ALPK1: variants seen among roughly 807,000 people sequenced by gnomAD.
ALPK1 encodes the protein alpha-protein kinase 1.
In ALPK1, 110 loss-of-function variants were observed where a neutral mutation model predicts 120.6. The ratio of observed to expected loss-of-function variants is 0.91; its 90% CI spans 0.78 to 1.07. The LOEUF (loss-of-function observed/expected upper bound fraction) is 1.07, where lower values mean the gene tolerates loss of function less well. Among genes scored for constraint, ALPK1 ranks in the 50% least tolerant of loss-of-function variants. The pLI, the probability that ALPK1 is intolerant of heterozygous loss-of-function variation, is 0.00. For synonymous variants in ALPK1, 582 were observed against 560.3 expected (o/e 1.04, Z -0.55); for missense variants, 1,498 against 1,483.9 (o/e 1.01, Z -0.16).
intron 11 of ALPK1, 47 bp downstream of exon 11, chr4:112,432,628 T>G: frequency 6.4e-7 from 1 of 1,554,070 alleles, no homozygotes; most frequent in Non-Finnish European, 8.7e-7. Flanking sequence ...AGCAGCTGTG[T>G]TGGGGCACTC....
chr4:112,307,047 G>A (rs1728102497), intron 1 of ALPK1, among the ~76,000 whole-genome samples: 1 of 152,116 alleles, frequency 6.6e-6, no homozygotes, highest in South Asian at 2.1e-4. Flanking sequence ...CAGTTTCCAT[G>A]TAGTTGAGCG....
chr4:112,300,004 A>C (rs892163301), intron 1 of ALPK1, among the ~76,000 whole-genome samples: 1 of 152,160 alleles, frequency 6.6e-6, no homozygotes, highest in Admixed American at 6.5e-5. Context: ...ATATGCAATA[A>C]TTTCATTTCT....
chr4:112,433,621 A>C (rs1300022823), intron 11 of ALPK1, among the ~76,000 whole-genome samples: 1 of 152,246 alleles, frequency 6.6e-6, no homozygotes, highest in Non-Finnish European at 1.5e-5. Context: ...ACACAGCTTA[A>C]AAGTGGTAGA....
At chr4:112,343,939 T>A (rs568635439) in intron 2 of ALPK1, among the ~76,000 whole-genome samples, 1 of 152,168 alleles carries the variant, frequency 6.6e-6, no homozygotes, top group East Asian at 1.9e-4. Flanking sequence ...ACCTCAGAGG[T>A]CGCAGGCGAG....
chr4:112,334,979 C>T (rs761334585), intron 2 of ALPK1, among the ~76,000 whole-genome samples: 23 of 152,322 alleles, frequency 1.5e-4, no homozygotes, highest in Middle Eastern at 6.8e-3. Context: ...CTTTTTTAAA[C>T]AGGGCACAGT....
chr4:112,427,186 T>C (rs891860039), intron 8 of ALPK1, among the ~76,000 whole-genome samples: 1 of 152,176 alleles, frequency 6.6e-6, no homozygotes, highest in Non-Finnish European at 1.5e-5. Flanking sequence ...AACTGAGAAG[T>C]AGCTGTGTTT....
rs115849424 is a variant in ALPK1, at chr4:112,327,664, C to T, written c.-101+11812C>T. 8.5e-3 allele frequency among the ~76,000 whole-genome samples: 1,299 copies of T among 152,184 alleles called. 13 individuals are homozygous for T. Among genetic ancestry groups the T allele is most frequent in the African/African-American group, 0.027 (1,103 of 41,526 alleles). On this transcript the variant is annotated intron_variant, in intron 2 of 15. Transcript: ENST00000650871. ...CAAACAATGTTGTCTAGGCTGGTCT[C>T]GAATTCCTGGCATCAGGTGATCCTC... is the stretch of plus-strand genomic sequence containing the variant.
At chr4:112,413,422 GT>G (rs1379055616) in intron 5 of ALPK1, among the ~76,000 whole-genome samples, 1 of 152,002 alleles carries the variant, frequency 6.6e-6, no homozygotes, top group Non-Finnish European at 1.5e-5. Flanking sequence ...TTCCATTTTT[GT>G]TTTTGTTTTG....
chr4:112,417,105 C>CGA (rs1733778468), intron 5 of ALPK1, among the ~76,000 whole-genome samples: 1 of 151,990 alleles, frequency 6.6e-6, no homozygotes, highest in Non-Finnish European at 1.5e-5. Context: ...GATTTTATAC[C>CGA]TAGCAAAATT....
At chr4:112,411,665 CTTTTCTA>C (rs1340063737) in intron 4 of ALPK1, 155 bp from the exon 5 acceptor site, 2 of 649,590 alleles carry the variant, frequency 3.1e-6, no homozygotes, top group African/African-American at 3.7e-5. Flanking sequence ...TTGAACTGGA[CTTTTCTA>C]TTTTCTTTCT....
At chr4:112,376,439 C>T (rs1027722797) in intron 2 of ALPK1, among the ~76,000 whole-genome samples, 2 of 151,958 alleles carry the variant, frequency 1.3e-5, no homozygotes, top group East Asian at 3.9e-4. Context: ...TATGGAGATA[C>T]GAAGTATACC....
intron 2 of ALPK1, among the ~76,000 whole-genome samples, chr4:112,376,916 A>C (rs1246271872): frequency 6.6e-6 from 1 of 152,216 alleles, no homozygotes; most frequent in Admixed American, 6.5e-5. Context: ...TTAATTGAAT[A>C]ATGTTTTTCT....
intron 2 of ALPK1, among the ~76,000 whole-genome samples, chr4:112,360,215 T>A (rs527248074): frequency 1.3e-5 from 2 of 152,184 alleles, no homozygotes. Flanking sequence ...TAACATAACA[T>A]CCTCCAGGAT....
At chr4:112,404,486 C>T (rs1363594805) in intron 4 of ALPK1, among the ~76,000 whole-genome samples, 2 of 152,230 alleles carry the variant, frequency 1.3e-5, no homozygotes. Flanking sequence ...AAGTAACTTG[C>T]CGTGGCAAAT....
chr4:112,303,835 G>A (rs1481820058), intron 1 of ALPK1, among the ~76,000 whole-genome samples: 1 of 151,738 alleles, frequency 6.6e-6, no homozygotes, highest in Non-Finnish European at 1.5e-5. Flanking sequence ...GTGCTGTGTT[G>A]GTGTGCTGCA....
chr4:112,438,407 T>C (rs75453787), intron 12 of ALPK1, 77 bp from the exon 13 acceptor site: 48,423 of 1,379,398 alleles, frequency 0.035, 997 homozygotes, highest in Non-Finnish European at 0.041. Flanking sequence ...GCATATGTCT[T>C]TTGATCTCCT....
At chr4:112,377,075 C>T (rs1207507107) in intron 2 of ALPK1, among the ~76,000 whole-genome samples, 4 of 152,080 alleles carry the variant, frequency 2.6e-5, no homozygotes, top group African/African-American at 9.7e-5. Context: ...TAAGTAGATC[C>T]ATATGACAGA....
chr4:112,435,772 G>A (rs933195731), intron 12 of ALPK1, among the ~76,000 whole-genome samples: 1 of 152,244 alleles, frequency 6.6e-6, no homozygotes, highest in Non-Finnish European at 1.5e-5. Flanking sequence ...CCGCATAGGC[G>A]TTTGAGGCAG....
At chr4:112,392,199 T>C (rs1560667446) in intron 4 of ALPK1, among the ~76,000 whole-genome samples, 1 of 152,184 alleles carries the variant, frequency 6.6e-6, no homozygotes, top group African/African-American at 2.4e-5. Flanking sequence ...TCAAGTTCAA[T>C]AGGTCCAAAA....
Sources: allele counts gnomAD v4.1 joint callset (sites outside exome capture counted in the v4.1 genomes callset), GRCh38; gene constraint gnomAD v4.1.1; transcripts MANE v1.5; gene names NCBI Gene and HGNC (gene_info 2026-07-23, HGNC 2026-07-21).